DLEU7: variants seen among roughly 807,000 people sequenced by gnomAD.
The protein encoded by DLEU7 is leukemia-associated protein 7.
Under a neutral mutation model 16.0 loss-of-function variants are expected in DLEU7, and 17 were observed. The observed-to-expected ratio is 1.06, with a 90% CI of 0.73 to 1.59. The LOEUF (loss-of-function observed/expected upper bound fraction) is 1.59. DLEU7 is among the 40% of genes most tolerant of loss of function. The pLI is 0.00. For synonymous variants in DLEU7, 113 were observed against 139.8 expected (o/e 0.81, Z 1.35); for missense variants, 308 against 314.9 (o/e 0.98, Z 0.17).
chr13:50,801,012 A>G (rs1215903768), intron 1 of DLEU7, among the ~76,000 whole-genome samples: 1 of 152,148 alleles, frequency 6.6e-6, no homozygotes, highest in African/African-American at 2.4e-5. Flanking sequence ...CTGACTCTCA[A>G]TTTGGAATGA....
chr13:50,817,266 T>C (rs1876761532), intron 1 of DLEU7, among the ~76,000 whole-genome samples: 1 of 152,188 alleles, frequency 6.6e-6, no homozygotes, highest in Non-Finnish European at 1.5e-5. Flanking sequence ...ATGGAGCAGA[T>C]ATGAACTTGT....
downstream of DLEU7, among the ~76,000 whole-genome samples, chr13:50,820,547 C>A (rs1158558315): frequency 1.3e-5 from 2 of 152,084 alleles, no homozygotes; most frequent in Admixed American, 1.3e-4. Context: ...GTAGGTAGAT[C>A]TGCTAGGGAG....
intron 1 of DLEU7, among the ~76,000 whole-genome samples, chr13:50,810,341 T>C (rs1316339452): frequency 6.6e-6 from 1 of 152,114 alleles, no homozygotes; most frequent in Non-Finnish European, 1.5e-5. Flanking sequence ...GAGTTAAAAT[T>C]GGTTTTAAAC....
chr13:50,718,016 A>G (rs962794407), intron 1 of DLEU7, among the ~76,000 whole-genome samples: 6 of 152,302 alleles, frequency 3.9e-5, no homozygotes, highest in African/African-American at 1.4e-4. Flanking sequence ...TCAGCATCAC[A>G]TGGGAGCTTG....
chr13:50,761,981 G>A (rs1226483071), intron 1 of DLEU7, among the ~76,000 whole-genome samples: 1 of 151,916 alleles, frequency 6.6e-6, no homozygotes, highest in African/African-American at 2.4e-5. Context: ...ACAGGGTCAG[G>A]AGTTCAAGAC....
chr13:50,836,299 T>C (rs1476369265), intron 1 of DLEU7, among the ~76,000 whole-genome samples: 1 of 151,220 alleles, frequency 6.6e-6, no homozygotes, highest in Non-Finnish European at 1.5e-5. Context: ...GATGGAGATA[T>C]GGGGGTGGGA....
chr13:50,820,016 A>T (rs1223453987), downstream of DLEU7, among the ~76,000 whole-genome samples: 1 of 152,150 alleles, frequency 6.6e-6, no homozygotes, highest in Non-Finnish European at 1.5e-5. Context: ...TGAAGAAGTA[A>T]AACCATGAAA....
intron 1 of DLEU7, chr13:50,808,079 A>C (rs1346962416): frequency 6.6e-6 from 1 of 152,222 alleles, no homozygotes; most frequent in African/African-American, 2.4e-5. Context: ...AAATGAAGAA[A>C]AGCATTTCTC....
intron 1 of DLEU7, among the ~76,000 whole-genome samples, chr13:50,803,375 C>CT (rs1238978305): frequency 6.6e-6 from 1 of 152,060 alleles, no homozygotes; most frequent in African/African-American, 2.4e-5. Flanking sequence ...ATGCTTTGCC[C>CT]TTTTTTATTA....
intron 1 of DLEU7, among the ~76,000 whole-genome samples, chr13:50,786,065 G>T (rs1875786297): frequency 6.6e-6 from 1 of 152,180 alleles, no homozygotes; most frequent in African/African-American, 2.4e-5. Context: ...TGGTGGCAGA[G>T]ATTTGGCAGA....
In DLEU7 at chr13:50,843,122, A is replaced by G; in HGVS notation, c.459+66T>C. The G allele has an allele frequency of 7.0e-7, 1 of 1,434,680 alleles. No individual in the cohort carries two copies. Among genetic ancestry groups the G allele is most frequent in the South Asian group, 1.3e-5 (1 of 75,920 alleles). The allele number at this position is 1,434,680 out of a possible 1,614,324, so 88.9% of individuals were successfully genotyped here. A position where few individuals can be genotyped will look rare whatever the true frequency, so the allele number is the denominator to read the frequency against. The stretch of plus-strand genomic sequence containing the variant: ...GCGATCCACCCATCGCCATCCCAGC[A>G]GCCCCACCCTTGGAGGATGGGAGGT... On this transcript the variant is annotated intron_variant, in intron 1 of 1. Transcript: ENST00000504404. The surrounding 1 kb of genome is among the most constrained non-coding windows in gnomAD (Gnocchi z 5.7).
intron 1 of DLEU7, among the ~76,000 whole-genome samples, chr13:50,824,336 A>G (rs1475779902): frequency 2.0e-5 from 3 of 152,218 alleles, no homozygotes; most frequent in African/African-American, 4.8e-5. Context: ...AATGCTGAAT[A>G]TAAGATCTCT....
chr13:50,807,103 G>GAT (rs1876413504), intron 1 of DLEU7, among the ~76,000 whole-genome samples: 1 of 150,746 alleles, frequency 6.6e-6, no homozygotes, highest in African/African-American at 2.4e-5. Context: ...ATGGTGTTAA[G>GAT]ATATATATAA....
At chr13:50,802,688 T>C (rs1280103187) in intron 1 of DLEU7, among the ~76,000 whole-genome samples, 1 of 152,182 alleles carries the variant, frequency 6.6e-6, no homozygotes, top group Non-Finnish European at 1.5e-5. Context: ...CAAAAGGATA[T>C]ACACTAAAGA....
chr13:50,742,500 G>A lies in DLEU7; in HGVS notation c.460-29260C>T, dbSNP rs1159944471. On this transcript the variant is annotated intron_variant, in intron 1 of 1. Transcript: ENST00000400393. ...CTTGGAGTAGGGAACACCACTTTAA[G>A]GCTAACACAGGAAGCCACACTCAGG... 4.6e-5 allele frequency among the ~76,000 whole-genome samples: 7 copies of A among 152,196 alleles called. No individual in the cohort carries two copies. The East Asian group carries it at 7.7e-4, about 17-fold the overall frequency.
At chr13:50,810,689 A>C (rs1299504846) in intron 1 of DLEU7, among the ~76,000 whole-genome samples, 1 of 152,148 alleles carries the variant, frequency 6.6e-6, no homozygotes, top group Admixed American at 6.5e-5. Context: ...GTTCATGCAG[A>C]GCTGTCATAC....
chr13:50,810,615 G>A (rs913731087), intron 1 of DLEU7, among the ~76,000 whole-genome samples: 1 of 152,130 alleles, frequency 6.6e-6, no homozygotes, highest in Non-Finnish European at 1.5e-5. Context: ...CGCATTAGGG[G>A]AAAGGCCACC....
chr13:50,714,431 G>A (rs1873379939), intron 1 of DLEU7, among the ~76,000 whole-genome samples: 2 of 152,174 alleles, frequency 1.3e-5, no homozygotes, highest in African/African-American at 4.8e-5. Flanking sequence ...AAGCCATTCT[G>A]TGAATACCTT....
intron 1 of DLEU7, among the ~76,000 whole-genome samples, chr13:50,836,334 A>C (rs1025798387): frequency 1.3e-5 from 2 of 151,874 alleles, no homozygotes; most frequent in African/African-American, 4.8e-5. Flanking sequence ...AGAACAGAAG[A>C]GAAGAAAGAG....
Sources: gnomAD v4.1 joint callset for allele counts (sites outside exome capture counted in the v4.1 genomes callset) on GRCh38, gnomAD v4.1.1 for gene constraint, Gnocchi (gnomAD v3.1) non-coding constraint, MANE v1.5 for transcripts, NCBI Gene and HGNC (gene_info 2026-07-23, HGNC 2026-07-21) for gene names.